The following GYPB variants were observed in gnomAD, a reference collection of about 807,000 sequenced individuals.
The protein encoded by GYPB is glycophorin B (MNS blood group).
Under a neutral mutation model 15.3 loss-of-function variants are expected in GYPB, and 13 were observed. That is an observed-to-expected ratio of 0.85 (90% CI 0.55 to 1.35). The LOEUF (loss-of-function observed/expected upper bound fraction) is 1.35, where lower values mean the gene tolerates loss of function less well. GYPB is among the 40% of genes most tolerant of loss of function. GYPB has a pLI of 0.00. For missense variants in GYPB, 131 were observed against 108.3 expected, an observed-to-expected ratio of 1.21 and a Z score of -0.93; for synonymous variants, 38 against 36.9, an observed-to-expected ratio of 1.03 and a Z score of -0.11.
chr4:144,007,000 G>C (rs1351538628), intron 1 of GYPB, among the ~76,000 whole-genome samples: 5 of 150,420 alleles, frequency 3.3e-5, no homozygotes, highest in African/African-American at 1.3e-4. Flanking sequence ...TATTTTAAGG[G>C]AACGATTTTG....
chr4:144,014,980 C>A (rs1189311099), intron 1 of GYPB, among the ~76,000 whole-genome samples: 3 of 151,294 alleles, frequency 2.0e-5, no homozygotes, highest in African/African-American at 7.4e-5. Context: ...ACTTTGTACA[C>A]TACAAAGAAA....
intron 1 of GYPB, among the ~76,000 whole-genome samples, chr4:144,001,765 GA>G (rs1427111386): frequency 1.3e-5 from 2 of 150,950 alleles, no homozygotes; most frequent in African/African-American, 2.5e-5. Flanking sequence ...AAGAAAGGTG[GA>G]AGCTCATAAT....
At chr4:144,007,742 A>T (rs1284833642) in intron 1 of GYPB, among the ~76,000 whole-genome samples, 1 of 151,524 alleles carries the variant, frequency 6.6e-6, no homozygotes, top group East Asian at 1.9e-4. Flanking sequence ...TCTGAGCCTC[A>T]GTTTTCTGGC....
intron 1 of GYPB, among the ~76,000 whole-genome samples, chr4:144,013,296 T>C (rs1459954841): frequency 1.3e-5 from 2 of 150,706 alleles, no homozygotes; most frequent in African/African-American, 5.0e-5. Flanking sequence ...TGTGGAGAAA[T>C]AGGAACACTT....
intron 1 of GYPB, 39 bp from the exon 2 acceptor site, chr4:144,001,322 G>A: frequency 6.2e-7 from 1 of 1,612,528 alleles, no homozygotes; most frequent in Non-Finnish European, 8.5e-7. Flanking sequence ...TTAAGAACGA[G>A]GTGACTGAGC....
rs375180038 is a variant in GYPB, at chr4:143,997,848, G to C, written c.176-214C>G. Among the ~76,000 whole-genome samples, 67 of 151,386 alleles carry C rather than the reference G, an allele frequency of 4.4e-4. 1 individual carries two copies. Among genetic ancestry groups the C allele is most frequent in the Middle Eastern group, 3.4e-3 (1 of 292 alleles). ...GTGAGTGATCAAGTCTTTTGTCCAA[G>C]GTCGCAAAATAGTTGATGACAGAAC... On this transcript the variant is annotated intron_variant, in intron 3 of 4. Transcript: ENST00000502664.
intron 2 of GYPB, 43 bp from the exon 3 acceptor site, chr4:143,999,492 T>A (rs1339804933): frequency 1.9e-6 from 2 of 1,039,430 alleles, no homozygotes; most frequent in Non-Finnish European, 3.0e-6. Flanking sequence ...AAGAAAGACA[T>A]GTGCAAAGAA....
chr4:143,996,701 C>CAG (rs1727329699), intron 4 of GYPB, among the ~76,000 whole-genome samples: 1 of 150,510 alleles, frequency 6.6e-6, no homozygotes, highest in African/African-American at 2.5e-5. Flanking sequence ...ACCAGGGAGG[C>CAG]AGAGGCTGCA....
intron 1 of GYPB, among the ~76,000 whole-genome samples, chr4:144,013,081 G>A (rs1227502676): frequency 6.6e-6 from 1 of 151,504 alleles, no homozygotes; most frequent in Admixed American, 6.5e-5. Context: ...AACATAGAAA[G>A]AACTCTTACA....
At chr4:144,018,454 T>G (rs1728617116) in intron 1 of GYPB, among the ~76,000 whole-genome samples, 1 of 151,220 alleles carries the variant, frequency 6.6e-6, no homozygotes, top group Non-Finnish European at 1.5e-5. Context: ...TCTAATAGAC[T>G]CAGAATGTTT....
rs187565862 is a variant in GYPB, at chr4:143,996,640, C to T, written c.271-336G>A. Among the ~76,000 whole-genome samples the T allele has an allele frequency of 6.5e-4, 98 of 150,290 alleles. No individual in the cohort carries two copies. The East Asian group carries it at 9.9e-3, about 15-fold the overall frequency. On this transcript the variant is annotated intron_variant, in intron 4 of 4. Transcript: ENST00000502664. ...CAAAAATTAGTCAGGCATGGTAGCC[C>T]GCACCTGTAGTCCCAATTACTGTGG...
chr4:144,006,194 G>A (rs143094692), intron 1 of GYPB, among the ~76,000 whole-genome samples: 158 of 152,036 alleles, frequency 1.0e-3, no homozygotes, highest in African/African-American at 3.4e-3. Flanking sequence ...ATTTAGGTTT[G>A]AGAAGGGTGG....
intron 1 of GYPB, among the ~76,000 whole-genome samples, chr4:144,018,335 A>G (rs1285283727): frequency 2.0e-5 from 3 of 151,008 alleles, no homozygotes; most frequent in Admixed American, 6.6e-5. Flanking sequence ...CTATTGCACT[A>G]TTTTATCCTC....
chr4:144,010,788 T>C lies in GYPB; in HGVS notation c.37+8463A>G, dbSNP rs917490104. ...ATCCAGCTTATCTAGCTCCAGAAAG[T>C]CTAAGACTTTCTATGTGTGCTGCAC... On this transcript the variant is annotated intron_variant, in intron 1 of 4. Transcript: ENST00000502664. Among the ~76,000 whole-genome samples, 14 of 151,404 alleles carry C rather than the reference T, an allele frequency of 9.2e-5. 1 individual carries two copies. The highest frequency in any genetic ancestry group is 2.9e-4 in the African/African-American group (12 of 40,732).
At chr4:144,008,881 A>T (rs1421749315) in intron 1 of GYPB, among the ~76,000 whole-genome samples, 2 of 151,444 alleles carry the variant, frequency 1.3e-5, no homozygotes, top group Non-Finnish European at 2.9e-5. Flanking sequence ...AGTGAGAACA[A>T]CTGCTCCAGT....
chr4:143,997,580 G>A lies in GYPB; in HGVS notation c.230C>T (p.Thr77Met), dbSNP rs79492560. ...ILCVMAGIIG[T>M]ILLISYSIRR... Reference sequence around the variant, plus strand: ...AATACTGTAAGAAATTAAGAGGATCGTTCCAATAATACCAGCCATCACACA... The same window carrying A: ...AATACTGTAAGAAATTAAGAGGATCATTCCAATAATACCAGCCATCACACA... Residue 77 changes from threonine (T) to methionine (M), a missense_variant, in exon 4 of 5, where the codon ACG becomes ATG. Coordinates refer to ENST00000502664, the MANE Select transcript of GYPB (RefSeq NM_002100.6). 2.0e-4 allele frequency: 321 copies of A among 1,600,360 alleles called. 10 individuals are homozygous for A. In the African/African-American group the frequency reaches 3.6e-3, roughly 18 times the overall value.
intron 1 of GYPB, chr4:144,008,319 C>A: frequency 4.5e-6 from 2 of 447,140 alleles, no homozygotes; most frequent in Non-Finnish European, 9.0e-6. Flanking sequence ...AATTATAATG[C>A]AACCAACTCT....
At chr4:143,999,563 G>C in intron 2 of GYPB, 114 bp from the exon 3 acceptor site, 2 of 632,292 alleles carry the variant, frequency 3.2e-6, no homozygotes, top group Non-Finnish European at 5.7e-6. Context: ...TATTTTGAGA[G>C]TTGTTGGTCA....
chr4:144,003,154 A>G (rs1353744672), intron 1 of GYPB, among the ~76,000 whole-genome samples: 1 of 151,600 alleles, frequency 6.6e-6, no homozygotes, highest in Non-Finnish European at 1.5e-5. Flanking sequence ...AATTATTTAC[A>G]AAGATAACTA....
Sources: allele counts gnomAD v4.1 joint callset (sites outside exome capture counted in the v4.1 genomes callset), GRCh38; gene constraint gnomAD v4.1.1; transcripts MANE v1.5; gene names NCBI Gene and HGNC (gene_info 2026-07-23, HGNC 2026-07-21).